Variants in DOCK5 observed in about 807,000 individuals in gnomAD.
DOCK5 encodes dedicator of cytokinesis 5.
A neutral mutation model predicts 251.8 loss-of-function variants in DOCK5; 142 were observed. That is an observed-to-expected ratio of 0.56 (90% CI 0.49 to 0.65). The LOEUF is 0.65. Among genes scored for constraint, DOCK5 ranks in the 30% least tolerant of loss-of-function variants. The probability of loss-of-function intolerance (pLI) is 0.00; values close to 1 mark genes in which losing one functional copy is unlikely to be tolerated. For missense variants in DOCK5, 2,111 were observed against 2,312.3 expected (o/e 0.91, Z 1.79); for synonymous variants, 842 against 835.5 (o/e 1.01, Z -0.13).
In DOCK5 at chr8:25,245,694, C is replaced by T. The variant is rs181109614; in HGVS notation, c.127+1937C>T. Among the ~76,000 whole-genome samples the T allele has an allele frequency of 3.4e-3, 518 of 152,178 alleles. 3 individuals are homozygous for T. Among genetic ancestry groups the T allele is most frequent in the African/African-American group, 0.012 (491 of 41,516 alleles). On this transcript the variant is annotated intron_variant, in intron 2 of 51. Transcript: ENST00000276440. The stretch of plus-strand genomic sequence containing the variant: ...AGCTGAGATTACAGGCATATGTCAT[C>T]ACACCTCGCTAATTTTTGTATTGTT...
intron 3 of DOCK5, chr8:25,271,032 C>T (rs1803894606): frequency 2.3e-6 from 1 of 439,984 alleles, no homozygotes; most frequent in Non-Finnish European, 4.0e-6. Context: ...TATTTTTAAT[C>T]ATCAGTTGGT....
rs369656359 is a variant in DOCK5 at position 25,342,514 on chromosome 8, C to T, written c.2617+7C>T. 6.4e-7 allele frequency: 1 copy of T among 1,566,500 alleles called. No homozygotes were observed. Among genetic ancestry groups the T allele is most frequent in the African/African-American group, 1.4e-5 (1 of 74,010 alleles). ...ACTCTTTTTCGACAGTCAGGTAAGT[C>T]TCCTTCAAAACTTGCTGCATGAGGT... On this transcript the variant is annotated splice_region_variant and intron_variant, in intron 25 of 51. Transcript: ENST00000276440.
chr8:25,260,894 C>T (rs1803560059), intron 2 of DOCK5, among the ~76,000 whole-genome samples: 2 of 151,760 alleles, frequency 1.3e-5, no homozygotes, highest in Admixed American at 6.6e-5. Context: ...CTTCTGGGCT[C>T]AAGAGATCCT....
At chr8:25,360,959 C>A (rs541558587) in intron 28 of DOCK5, among the ~76,000 whole-genome samples, 9 of 152,184 alleles carry the variant, frequency 5.9e-5, no homozygotes, top group Non-Finnish European at 7.3e-5. Context: ...ATTATCCTCA[C>A]GAGGGAACTA....
intron 40 of DOCK5, chr8:25,388,820 CTGTT>C (rs1360461779): frequency 2.4e-6 from 1 of 414,936 alleles, no homozygotes; most frequent in Non-Finnish European, 4.4e-6. Context: ...TGGGTCCAGA[CTGTT>C]TGCAGACTGG....
chr8:25,409,985 G>C, intron 50 of DOCK5, 114 bp from the exon 51 acceptor site: 1 of 783,470 alleles, frequency 1.3e-6, no homozygotes, highest in Non-Finnish European at 2.1e-6. Context: ...ATAGAATGTG[G>C]CTTTCATCAG....
intron 48 of DOCK5, among the ~76,000 whole-genome samples, chr8:25,406,619 G>A (rs1219428007): frequency 2.6e-5 from 4 of 151,642 alleles, no homozygotes; most frequent in African/African-American, 4.8e-5. Context: ...ATGTTGCTGT[G>A]TAATTTTTAT....
chr8:25,226,258 C>CTTTTTT (rs1179597860), intron 1 of DOCK5, among the ~76,000 whole-genome samples: 4 of 116,944 alleles, frequency 3.4e-5, no homozygotes, highest in African/African-American at 7.5e-5. Context: ...GTATAGGCTG[C>CTTTTTT]TTTTTTTTTT....
rs1406224480 is a variant in DOCK5, at chr8:25,187,375, TG to T, written c.43+2425del. 5.1e-4 allele frequency among the ~76,000 whole-genome samples: 76 copies of T among 148,438 alleles called. 1 individual carries two copies. Among genetic ancestry groups the T allele is most frequent in the African/African-American group, 1.9e-3 (74 of 38,666 alleles). On this transcript the variant is annotated intron_variant, in intron 1 of 51. Coordinates refer to ENST00000276440, the MANE Select transcript of DOCK5 (RefSeq NM_024940.8). ...AATATGGGTGGAAATTGTGTGTGTGTGTGTGTGTGTGTGTGTGTGTGTAAAA... is the reference window on the plus strand; with the variant it reads ...AATATGGGTGGAAATTGTGTGTGTGTTGTGTGTGTGTGTGTGTGTGTAAAA...
intron 7 of DOCK5, among the ~76,000 whole-genome samples, chr8:25,297,340 C>A (rs564844522): frequency 6.6e-6 from 1 of 152,124 alleles, no homozygotes; most frequent in African/African-American, 2.4e-5. Flanking sequence ...TCACTGCAAC[C>A]TCTGCCTCCT....
chr8:25,390,443 CAA>C (rs1236357330), intron 42 of DOCK5, among the ~76,000 whole-genome samples, 156 bp downstream of exon 42: 1 of 152,080 alleles, frequency 6.6e-6, no homozygotes, highest in Non-Finnish European at 1.5e-5. Flanking sequence ...GCTGTCTCTA[CAA>C]AAAAGAGAAA....
At position 25,355,093 on chromosome 8, in the gene DOCK5, G is replaced by A. The variant is rs78500321; in HGVS notation, c.2850+3267G>A. Among the ~76,000 whole-genome samples the A allele has an allele frequency of 5.4e-3, 826 of 152,234 alleles. 12 individuals carry two copies. The highest frequency in any genetic ancestry group is 0.032 in the East Asian group (164 of 5,156). On this transcript the variant is annotated intron_variant, in intron 27 of 51. Transcript: ENST00000276440. ...TACAAAAAAATTAAAAGTTAGCCAG[G>A]CATGGCAGCATGTGCCTGTAGCCCC...
chr8:25,224,165 C>CTAGAAA (rs2117505116), intron 1 of DOCK5, among the ~76,000 whole-genome samples: 1 of 152,288 alleles, frequency 6.6e-6, no homozygotes, highest in Non-Finnish European at 1.5e-5. Context: ...CTTGCCCAGG[C>CTAGAAA]TAGAGCACAG....
At chr8:25,345,889 G>A (rs1250486384) in intron 26 of DOCK5, among the ~76,000 whole-genome samples, 7 of 151,740 alleles carry the variant, frequency 4.6e-5, no homozygotes, top group South Asian at 4.2e-4. Flanking sequence ...TCGCTCTGTC[G>A]CCCAGGCTGG....
chr8:25,364,755 A>C, intron 30 of DOCK5, 51 bp downstream of exon 30: 1 of 1,342,718 alleles, frequency 7.4e-7, no homozygotes, highest in Non-Finnish European at 1.0e-6. Context: ...CCATGGCAAG[A>C]GAACTATATG....
At chr8:25,328,798 G>A (rs1321144107) in intron 18 of DOCK5, among the ~76,000 whole-genome samples, 1 of 152,220 alleles carries the variant, frequency 6.6e-6, no homozygotes, top group Non-Finnish European at 1.5e-5. Context: ...AGGAAAAAGA[G>A]AGGAATGTGC....
intron 16 of DOCK5, among the ~76,000 whole-genome samples, chr8:25,323,454 C>T (rs566253338): frequency 2.5e-4 from 38 of 152,120 alleles, no homozygotes; most frequent in South Asian, 1.7e-3. Context: ...CAGAGAGATG[C>T]GCTGGGAAGG....
intron 2 of DOCK5, among the ~76,000 whole-genome samples, chr8:25,251,122 T>C (rs1156789386): frequency 2.0e-5 from 3 of 152,186 alleles, no homozygotes; most frequent in Non-Finnish European, 4.4e-5. Context: ...TTCCTGTGTT[T>C]AATTCATATC....
Position 25,392,902 on chromosome 8 carries a change from C to G in DOCK5, c.4527+20C>G. ...TCAACAGTGAGTCATTTGAAATTGG[C>G]ATTTAGAAAAAAACTTTCTGTTTCC... On this transcript the variant is annotated intron_variant, in intron 44 of 51. Coordinates refer to ENST00000276440, the MANE Select transcript of DOCK5 (RefSeq NM_024940.8). 1 of 1,582,230 alleles carries G rather than the reference C, an allele frequency of 6.3e-7. No homozygotes were observed. The highest frequency in any genetic ancestry group is 8.6e-7 in the Non-Finnish European group (1 of 1,158,370).
Sources: gnomAD v4.1 joint callset for allele counts (sites outside exome capture counted in the v4.1 genomes callset) on GRCh38, gnomAD v4.1.1 for gene constraint, MANE v1.5 for transcripts, NCBI Gene and HGNC (gene_info 2026-07-23, HGNC 2026-07-21) for gene names.